The following ADAMTS2 variants were observed in gnomAD, a reference collection of about 807,000 sequenced individuals.
ADAMTS2 encodes ADAM metallopeptidase with thrombospondin type 1 motif 2, also known as A disintegrin and metalloproteinase with thrombospondin motifs 2.
ADAMTS2 carries 50 observed loss-of-function variants against 123.0 expected under a neutral mutation model. The ratio of observed to expected loss-of-function variants is 0.41; its 90% CI spans 0.32 to 0.51. The LOEUF is 0.51. Among genes scored for constraint, ADAMTS2 ranks in the 20% least tolerant of loss-of-function variants. ADAMTS2 has a pLI of 0.35. For synonymous variants in ADAMTS2, 678 were observed against 695.4 expected (o/e 0.98, Z 0.39); for missense variants, 1,494 against 1,705.2 (o/e 0.88, Z 2.18).
chr5:179,315,819 G>A (rs1391208264), intron 2 of ADAMTS2, among the ~76,000 whole-genome samples: 2 of 152,222 alleles, frequency 1.3e-5, no homozygotes, highest in Non-Finnish European at 2.9e-5. Flanking sequence ...AGCCACCGCA[G>A]AACTGGGGGA....
At chr5:179,258,009 C>G (rs1766112260) in intron 3 of ADAMTS2, among the ~76,000 whole-genome samples, 1 of 152,230 alleles carries the variant, frequency 6.6e-6, no homozygotes, top group Non-Finnish European at 1.5e-5. Flanking sequence ...GCGTCACCTG[C>G]CAGGCCCCCA....
At chr5:179,209,772 G>A (rs1458881792) in intron 3 of ADAMTS2, among the ~76,000 whole-genome samples, 71 of 152,126 alleles carry the variant, frequency 4.7e-4, no homozygotes, top group Admixed American at 4.6e-3. Flanking sequence ...AGCCTGACAG[G>A]GGGGTTGAGG....
chr5:179,145,194 T>C (rs1013936780), intron 10 of ADAMTS2, among the ~76,000 whole-genome samples: 13 of 152,158 alleles, frequency 8.5e-5, no homozygotes, highest in African/African-American at 3.1e-4. Flanking sequence ...ATGAGATATA[T>C]CACTTCACAT....
chr5:179,176,056 C>T lies in ADAMTS2; in HGVS notation c.975+5016G>A, dbSNP rs149064192. ...TGTTTGACCAGCATTTTCCAGACTTCTTTGACCTTGGGACCCCTCTATAGT... is the reference window on the plus strand; with the variant it reads ...TGTTTGACCAGCATTTTCCAGACTTTTTTGACCTTGGGACCCCTCTATAGT... On this transcript the variant is annotated intron_variant, in intron 5 of 21. Transcript: ENST00000251582. Among the ~76,000 whole-genome samples the T allele has an allele frequency of 8.5e-5, 13 of 152,314 alleles. No individual in the cohort carries two copies. In the East Asian group the frequency reaches 2.3e-3, roughly 27 times the overall value.
intron 3 of ADAMTS2, among the ~76,000 whole-genome samples, chr5:179,257,747 A>C (rs1766102173): frequency 6.6e-6 from 1 of 152,212 alleles, no homozygotes; most frequent in Admixed American, 6.5e-5. Flanking sequence ...GGCCACATCC[A>C]AGAAGCTCGG....
rs537626697 is a variant in ADAMTS2 at position 179,213,552 on chromosome 5, G to T, written c.689-5837C>A. On this transcript the variant is annotated intron_variant, in intron 3 of 21. Transcript: ENST00000251582. ...GAGCTGGGGGCCTCTGGGGAGTTGG[G>T]AACTGGGATAGAAGGAGAGGCAGGT... Among the ~76,000 whole-genome samples the T allele has an allele frequency of 7.2e-5, 11 of 152,258 alleles. No individual in the cohort carries two copies. The East Asian group carries it at 1.9e-3, about 27-fold the overall frequency.
chr5:179,201,904 CTG>C (rs1285514045), intron 4 of ADAMTS2, among the ~76,000 whole-genome samples: 1 of 152,118 alleles, frequency 6.6e-6, no homozygotes, highest in East Asian at 1.9e-4. Context: ...GATAAGAAAA[CTG>C]GACCCAGCAG....
intron 9 of ADAMTS2, 36 bp from the exon 10 acceptor site, chr5:179,152,291 C>T (rs1763376474): frequency 6.3e-7 from 1 of 1,594,546 alleles, no homozygotes; most frequent in Non-Finnish European, 8.6e-7. Context: ...AGGTCCCTCC[C>T]ACCTCAGGGA....
rs36081300 is a variant in ADAMTS2, at chr5:179,179,255, G to GTT, written c.975+1815_975+1816dup. Among the ~76,000 whole-genome samples the GTT allele has an allele frequency of 6.4e-3, 921 of 144,718 alleles. 8 individuals are homozygous for GTT. Among genetic ancestry groups the GTT allele is most frequent in the Admixed American group, 7.5e-3 (109 of 14,540 alleles). The allele number at this position is 144,718 out of a possible 152,430, so 94.9% of individuals were successfully genotyped here. On this transcript the variant is annotated intron_variant, in intron 5 of 21. Coordinates refer to ENST00000251582, the MANE Select transcript of ADAMTS2 (RefSeq NM_014244.5). ...AGCGACCATGCCTGGCCCCTAGTAGGTTTTTTTTTTTTTTAATGTTTTCAA... is the reference window on the plus strand; with the variant it reads ...AGCGACCATGCCTGGCCCCTAGTAGGTTTTTTTTTTTTTTTTAATGTTTTCAA...
At chr5:179,153,221 G>C (rs761815320) in intron 9 of ADAMTS2, among the ~76,000 whole-genome samples, 13 of 152,158 alleles carry the variant, frequency 8.5e-5, no homozygotes, top group Non-Finnish European at 1.8e-4. Context: ...CCTGACCTCT[G>C]CAGGCTCTCA....
rs758259946 is a variant in ADAMTS2 at position 179,114,041 on chromosome 5, A to C, written c.3462T>G (p.Asp1154Glu). ...LNASSTNATEDHPETNAVDEP... is the reference protein window; with the variant it reads ...LNASSTNATEEHPETNAVDEP... ...CATCTACGGCATTGGTTTCTGGGTGATCCTCTGTGGCATTGGTGCTGGAGG... is the reference window on the plus strand; with the variant it reads ...CATCTACGGCATTGGTTTCTGGGTGCTCCTCTGTGGCATTGGTGCTGGAGG... Residue 1154 changes from aspartate (D) to glutamate (E), a missense_variant, in exon 22 of 22, where the codon GAT becomes GAG. Physicochemically the swap from Asp to Glu is conservative, Grantham distance 45. Around this residue, in one of 6 missense-constraint regions of ADAMTS2, gnomAD observed 953 missense variants for 1,124.7 expected, o/e 0.85. Coordinates refer to ENST00000251582, the MANE Select transcript of ADAMTS2 (RefSeq NM_014244.5). 2 of 1,613,972 alleles carry C rather than the reference A, an allele frequency of 1.2e-6. No individual in the cohort carries two copies. The highest frequency in any genetic ancestry group is 2.2e-5 in the South Asian group (2 of 91,068).
In ADAMTS2 at chr5:179,296,935, G is replaced by A. The variant is rs144435401; in HGVS notation, c.535-23871C>T. 2.6e-3 allele frequency among the ~76,000 whole-genome samples: 403 copies of A among 152,274 alleles called. 2 individuals carry two copies. The highest frequency in any genetic ancestry group is 9.1e-3 in the African/African-American group (379 of 41,554). ...CGTCTGTAACACATGCCTGAAACAT[G>A]CTAAAAGAGAGACAGAGAAAACTGC... On this transcript the variant is annotated intron_variant, in intron 2 of 21. Transcript: ENST00000251582.
At chr5:179,294,071 C>T (rs1017833040) in intron 2 of ADAMTS2, among the ~76,000 whole-genome samples, 3 of 152,040 alleles carry the variant, frequency 2.0e-5, no homozygotes, top group African/African-American at 7.2e-5. Context: ...TCCAGACCAG[C>T]ATAGTGAGGC....
intron 2 of ADAMTS2, among the ~76,000 whole-genome samples, chr5:179,283,945 GATTATTATTATTATTATT>G (rs756134923): frequency 8.3e-6 from 1 of 120,532 alleles, no homozygotes; most frequent in Non-Finnish European, 1.7e-5. Flanking sequence ...ATGGTCAGAT[GATTATTATTATTATTATT>G]ATTATTATTA....
intron 2 of ADAMTS2, among the ~76,000 whole-genome samples, chr5:179,335,697 A>G (rs1018665901): frequency 1.3e-5 from 2 of 152,258 alleles, no homozygotes; most frequent in African/African-American, 4.8e-5. Context: ...CCTTTTCATC[A>G]TATGTCCAGA....
intron 3 of ADAMTS2, among the ~76,000 whole-genome samples, chr5:179,216,006 A>C (rs1189600177): frequency 1.3e-5 from 2 of 152,234 alleles, no homozygotes; most frequent in African/African-American, 4.8e-5. Flanking sequence ...TTTATGTGAC[A>C]AGCACTCCTC....
intron 3 of ADAMTS2, among the ~76,000 whole-genome samples, chr5:179,246,520 G>C (rs1765804854): frequency 6.6e-6 from 1 of 152,198 alleles, no homozygotes; most frequent in South Asian, 2.1e-4. Flanking sequence ...TTTTTGGAAA[G>C]CTCTTGTGCA....
At chr5:179,259,828 CAGTGCCCTGTGT>C (rs1766168751) in intron 3 of ADAMTS2, among the ~76,000 whole-genome samples, 1 of 152,238 alleles carries the variant, frequency 6.6e-6, no homozygotes, top group Admixed American at 6.5e-5. Context: ...GGCCACTGTG[CAGTGCCCTGTGT>C]CCTCAACCTC....
In ADAMTS2 at chr5:179,127,983, G is replaced by T. The variant is rs766947359; in HGVS notation, c.2593C>A (p.Pro865Thr). ...VYEWALKKWS[P>T]CSKPCGGGSQ... ...CCTCCGCCACAGGGCTTGGAGCACGGAGACCACTTCTTCAGGGCCCACTCG... is the reference window on the plus strand; with the variant it reads ...CCTCCGCCACAGGGCTTGGAGCACGTAGACCACTTCTTCAGGGCCCACTCG... Residue 865 changes from proline to threonine, a missense_variant, in exon 17 of 22, where the codon CCG becomes ACG. By Grantham distance (38) the Pro-to-Thr change is conservative. Around this residue, in one of 6 missense-constraint regions of ADAMTS2, gnomAD observed 953 missense variants for 1,124.7 expected, o/e 0.85. Transcript: ENST00000251582. The T allele has an allele frequency of 6.8e-6, 11 of 1,613,860 alleles. No individual in the cohort carries two copies. In the Admixed American group the frequency reaches 1.7e-4, roughly 24 times the overall value.
Sources: gnomAD v4.1 joint callset for allele counts (sites outside exome capture counted in the v4.1 genomes callset) on GRCh38, gnomAD v4.1.1 for gene constraint, gnomAD v4.1.1 regional missense constraint, MANE v1.5 for transcripts, NCBI Gene and HGNC (gene_info 2026-07-23, HGNC 2026-07-21) for gene names.